OPRM1: variants seen among roughly 807,000 people sequenced by gnomAD.
OPRM1 encodes opioid receptor mu 1, also known as mu-type opioid receptor.
OPRM1 carries 27 observed loss-of-function variants against 31.8 expected under a neutral mutation model. That is an observed-to-expected ratio of 0.85 (90% CI 0.63 to 1.17). OPRM1 has a LOEUF of 1.17. Ranked by LOEUF, OPRM1 falls within the 50% of genes most tolerant of loss-of-function variation. OPRM1 has a pLI of 0.00. For missense variants in OPRM1, 536 were observed against 511.1 expected, an observed-to-expected ratio of 1.05 and a Z score of -0.47; for synonymous variants, 196 against 189.9, an observed-to-expected ratio of 1.03 and a Z score of -0.26.
chr6:154,212,993 T>A (rs1261817188), intron 3 of OPRM1: 3 of 663,016 alleles, frequency 4.5e-6, no homozygotes, highest in East Asian at 2.7e-5. Context: ...AACTACCTGG[T>A]AACTACCTGG....
At chr6:154,098,745 T>G (rs1210200227) in intron 3 of OPRM1, among the ~76,000 whole-genome samples, 1 of 152,204 alleles carries the variant, frequency 6.6e-6, no homozygotes, top group Admixed American at 6.5e-5. Flanking sequence ...ATTGCTAAAA[T>G]TTGACAAAAA....
chr6:154,136,645 G>C (rs1379954298), downstream of OPRM1, among the ~76,000 whole-genome samples: 1 of 152,116 alleles, frequency 6.6e-6, no homozygotes, highest in Non-Finnish European at 1.5e-5. Flanking sequence ...CATCCCCACA[G>C]ACAGTGCCCA....
At position 154,224,982 on chromosome 6, in the gene OPRM1, C is replaced by T. The variant is rs1391328632; in HGVS notation, c.1165-21711C>T. On this transcript the variant is annotated intron_variant, in intron 3 of 3. Coordinates refer to the OPRM1 transcript ENST00000337049. Reference sequence around the variant, plus strand: ...TCCTGTGGATTCTCAATCCGCCTTACAAAAAAGTATAGTTTTGAAAAACTA... The same window carrying T: ...TCCTGTGGATTCTCAATCCGCCTTATAAAAAAGTATAGTTTTGAAAAACTA... 3.3e-5 allele frequency among the ~76,000 whole-genome samples: 5 copies of T among 152,216 alleles called. No homozygotes were observed. In the East Asian group the frequency reaches 9.7e-4, roughly 29 times the overall value.
intron 1 of OPRM1, among the ~76,000 whole-genome samples, chr6:154,043,806 G>C (rs901396442): frequency 6.6e-6 from 1 of 152,042 alleles, no homozygotes; most frequent in African/African-American, 2.4e-5. Context: ...CTTTCACTTA[G>C]TAAGGGAGAG....
intron 3 of OPRM1, chr6:154,110,394 G>T: frequency 6.6e-7 from 1 of 1,510,494 alleles, no homozygotes; most frequent in South Asian, 1.2e-5. Context: ...ACTCAACTGT[G>T]AGCATACCAA....
Position 154,118,712 on chromosome 6 carries a change from G to T in OPRM1, c.1194G>T (p.Pro398=). 1.9e-6 allele frequency: 3 copies of T among 1,613,038 alleles called. No homozygotes were observed. The highest frequency in any genetic ancestry group is 2.5e-6 in the Non-Finnish European group (3 of 1,179,466). ...QLENLEAETA[P]LP ...AAAATCTGGAAGCAGAAACTGCTCCGTTGCCCTAACAGGGTCTCATGCCAT... is the reference window on the plus strand; with the variant it reads ...AAAATCTGGAAGCAGAAACTGCTCCTTTGCCCTAACAGGGTCTCATGCCAT... The change falls in exon 4 of 4, where the codon CCG becomes CCT. Residue 398 remains proline, a synonymous_variant. Transcript: ENST00000330432.
At chr6:154,115,550 AAGAG>A (rs748729832) in intron 3 of OPRM1, among the ~76,000 whole-genome samples, 3 of 152,014 alleles carry the variant, frequency 2.0e-5, no homozygotes, top group Non-Finnish European at 4.4e-5. Flanking sequence ...AAAAGAAAAA[AAGAG>A]AGAGAGAGAG....
Position 154,119,540 on chromosome 6 carries a change from T to A in OPRM1, c.*819T>A, listed in dbSNP as rs192218096. 1.3e-5 allele frequency: 8 copies of A among 614,658 alleles called. No homozygotes were observed. The highest frequency in any genetic ancestry group is 1.6e-5 in the Non-Finnish European group (8 of 491,628). The allele number at this position is 614,658 out of a possible 1,614,324, so 38.1% of individuals were successfully genotyped here. ...GTCAATGAGCTCATCACTTCATCCA[T>A]GCAGGAAGTCAAGCATTAAAATGTA... On this transcript the variant is annotated 3_prime_UTR_variant, in exon 4 of 4. Coordinates refer to ENST00000330432, the MANE Select transcript of OPRM1 (RefSeq NM_000914.5).
chr6:154,033,827 CA>C lies in OPRM1; in HGVS notation c.1-5327del, dbSNP rs200176906. 4.8e-3 allele frequency among the ~76,000 whole-genome samples: 726 copies of C among 152,034 alleles called. 2 individuals carry two copies. Among genetic ancestry groups the C allele is most frequent in the African/African-American group, 0.016 (647 of 41,470 alleles). On this transcript the variant is annotated intron_variant, in intron 1 of 5. Transcript: ENST00000434900. ...GACTCTTTCCATGGATCAACAAGGTCAAAAAAATTTTAATAATAATTCTAGA... is the reference window on the plus strand; with the variant it reads ...GACTCTTTCCATGGATCAACAAGGTCAAAAAATTTTAATAATAATTCTAGA...
intron 3 of OPRM1, among the ~76,000 whole-genome samples, chr6:154,167,518 T>C (rs529289024): frequency 1.3e-5 from 2 of 152,194 alleles, no homozygotes; most frequent in Admixed American, 1.3e-4. Context: ...ATGAATCAGA[T>C]GAAAATTCGA....
rs752718034 is a variant in OPRM1 at position 154,117,599 on chromosome 6, C to T, written c.1165-1084C>T. ...GGGAGCAATAAACAAACCTCCCCTACGATCAAGCAGCCACATCATGGTCAG... is the reference window on the plus strand; with the variant it reads ...GGGAGCAATAAACAAACCTCCCCTATGATCAAGCAGCCACATCATGGTCAG... On this transcript the variant is annotated intron_variant, in intron 3 of 3. Transcript: ENST00000330432. 1.4e-4 allele frequency among the ~76,000 whole-genome samples: 21 copies of T among 152,134 alleles called. 1 individual carries two copies. The highest frequency in any genetic ancestry group is 1.0e-3 in the South Asian group (5 of 4,830).
intron 3 of OPRM1, among the ~76,000 whole-genome samples, chr6:154,192,175 AGAT>A (rs2128582072): frequency 6.6e-6 from 1 of 152,294 alleles, no homozygotes; most frequent in African/African-American, 2.4e-5. Flanking sequence ...CAACTTTACT[AGAT>A]GATGACAAAT....
rs577006678 is a variant in OPRM1 at position 154,032,524 on chromosome 6, C to T, written c.1-6637C>T. Among the ~76,000 whole-genome samples, 14 of 152,340 alleles carry T rather than the reference C, an allele frequency of 9.2e-5. No homozygotes were observed. In the South Asian group the frequency reaches 2.7e-3, roughly 29 times the overall value. On this transcript the variant is annotated intron_variant, in intron 1 of 5. Transcript: ENST00000434900. Reference sequence around the variant, plus strand: ...AATCATACCTTACTGAAGCCTCAACCTCCTGGGCTCAAGTGATCCTCCCAC... The same window carrying T: ...AATCATACCTTACTGAAGCCTCAACTTCCTGGGCTCAAGTGATCCTCCCAC...
rs1299353021 is a variant in OPRM1, at chr6:154,127,332, T to C, written c.*8611T>C. Reference sequence around the variant, plus strand: ...AAGAGGTCTCATTTATAAAGTGAATTTGAATAAAATGACCAGTTAGGTGTT... The same window carrying C: ...AAGAGGTCTCATTTATAAAGTGAATCTGAATAAAATGACCAGTTAGGTGTT... On this transcript the variant is annotated 3_prime_UTR_variant, in exon 4 of 4. Coordinates refer to ENST00000330432, the MANE Select transcript of OPRM1 (RefSeq NM_000914.5). Among the ~76,000 whole-genome samples the C allele has an allele frequency of 6.6e-6, 1 of 152,178 alleles. No homozygotes were observed. The highest frequency in any genetic ancestry group is 2.4e-5 in the African/African-American group (1 of 41,434).
chr6:154,121,005 A>G lies in OPRM1; in HGVS notation c.*2284A>G, dbSNP rs1006584487. Among the ~76,000 whole-genome samples, 4 of 152,190 alleles carry G rather than the reference A, an allele frequency of 2.6e-5. No individual in the cohort carries two copies. Among genetic ancestry groups the G allele is most frequent in the Admixed American group, 6.6e-5 (1 of 15,262 alleles). On this transcript the variant is annotated 3_prime_UTR_variant, in exon 4 of 4. Transcript: ENST00000330432. ...CGTTTTTCATTCAAAACCATTTTTT[A>G]ACGTAAATTTGCTAGAACCACCTTC...
intron 1 of OPRM1, among the ~76,000 whole-genome samples, chr6:154,014,064 A>G (rs1777873896): frequency 1.3e-5 from 2 of 152,296 alleles, no homozygotes; most frequent in South Asian, 4.1e-4. Flanking sequence ...CATGGCGTGG[A>G]TGCTACTCCA....
At chr6:154,056,730 A>G (rs1224546650) in intron 1 of OPRM1, among the ~76,000 whole-genome samples, 1 of 152,108 alleles carries the variant, frequency 6.6e-6, no homozygotes, top group Non-Finnish European at 1.5e-5. Context: ...AGTGCCAGTG[A>G]GAGGTTGAGC....
Position 154,122,324 on chromosome 6 carries a change from A to G in OPRM1, c.*3603A>G, listed in dbSNP as rs532560693. On this transcript the variant is annotated 3_prime_UTR_variant, in exon 4 of 4. Transcript: ENST00000330432. ...ATCAAGATTCTTGCCTGGATTCTCA[A>G]CATAAGTCTTTACTCACAGGCCTAT... Among the ~76,000 whole-genome samples, 32 of 152,336 alleles carry G rather than the reference A, an allele frequency of 2.1e-4. 1 individual carries two copies. Among genetic ancestry groups the G allele is most frequent in the South Asian group, 1.4e-3 (7 of 4,828 alleles).
chr6:154,112,008 GC>G (rs1562484032), intron 3 of OPRM1, among the ~76,000 whole-genome samples: 1 of 152,034 alleles, frequency 6.6e-6, no homozygotes, highest in East Asian at 1.9e-4. Flanking sequence ...CTTGTGATCC[GC>G]CCGCCTCGGC....
Sources: gnomAD v4.1 joint callset for allele counts (sites outside exome capture counted in the v4.1 genomes callset) on GRCh38, gnomAD v4.1.1 for gene constraint, MANE v1.5 for transcripts, NCBI Gene and HGNC (gene_info 2026-07-23, HGNC 2026-07-21) for gene names.